The following RCAN2 variants were observed in gnomAD, a reference collection of about 807,000 sequenced individuals.
The protein encoded by RCAN2 is calcipressin-2.
RCAN2 carries 9 observed loss-of-function variants against 23.6 expected under a neutral mutation model. The ratio of observed to expected loss-of-function variants is 0.38; its 90% confidence interval spans 0.23 to 0.67. The LOEUF (loss-of-function observed/expected upper bound fraction) is 0.67. RCAN2 is among the 30% of genes least tolerant of loss of function. The pLI, the probability that RCAN2 is intolerant of heterozygous loss-of-function variation, is 0.51. For synonymous variants in RCAN2, 109 were observed against 115.7 expected, an observed-to-expected ratio of 0.94 and a Z score of 0.37; for missense variants, 273 against 302.3, an observed-to-expected ratio of 0.90 and a Z score of 0.72.
chr6:46,407,509 A>T (rs2150406206), intron 2 of RCAN2, among the ~76,000 whole-genome samples: 1 of 152,330 alleles, frequency 6.6e-6, no homozygotes, highest in South Asian at 2.1e-4. Context: ...TCACATTCAA[A>T]CAGTAGTAGT....
At chr6:46,395,232 G>A (rs972442199) in intron 2 of RCAN2, among the ~76,000 whole-genome samples, 77 of 152,174 alleles carry the variant, frequency 5.1e-4, no homozygotes, top group Non-Finnish European at 1.9e-4. Flanking sequence ...TGCATCTGTG[G>A]TGTTTAAAGG....
At chr6:46,473,231 C>A (rs572933561) in intron 1 of RCAN2, among the ~76,000 whole-genome samples, 8 of 152,280 alleles carry the variant, frequency 5.3e-5, no homozygotes, top group African/African-American at 9.6e-5. Flanking sequence ...TCTCTCCTTT[C>A]TTTTGCCACA....
intron 2 of RCAN2, among the ~76,000 whole-genome samples, chr6:46,455,917 C>G (rs1165726089): frequency 6.7e-6 from 1 of 149,268 alleles, no homozygotes; most frequent in East Asian, 1.9e-4. Context: ...GGCCCTTTAT[C>G]CAAAAAATTT....
chr6:46,232,693 T>C (rs1391953321), intron 4 of RCAN2, among the ~76,000 whole-genome samples: 1 of 146,500 alleles, frequency 6.8e-6, no homozygotes, highest in Non-Finnish European at 1.5e-5. Flanking sequence ...CTGCGGAGGC[T>C]GAGGCATGAG....
chr6:46,339,950 A>G (rs149732425), intron 2 of RCAN2, among the ~76,000 whole-genome samples: 38 of 152,298 alleles, frequency 2.5e-4, no homozygotes, highest in African/African-American at 7.0e-4. Context: ...TACATAATGT[A>G]CATGAATCCA....
chr6:46,302,044 G>A (rs1022352304), intron 2 of RCAN2, among the ~76,000 whole-genome samples: 1 of 152,050 alleles, frequency 6.6e-6, no homozygotes, highest in Non-Finnish European at 1.5e-5. Context: ...TAGAAACAAG[G>A]GGACTGTTAG....
At chr6:46,432,491 G>A (rs1767241592) in intron 2 of RCAN2, among the ~76,000 whole-genome samples, 1 of 152,044 alleles carries the variant, frequency 6.6e-6, no homozygotes, top group African/African-American at 2.4e-5. Flanking sequence ...GTGATTACAG[G>A]TGTGAGCCAC....
intron 2 of RCAN2, among the ~76,000 whole-genome samples, chr6:46,332,548 G>C (rs1764010980): frequency 6.7e-6 from 1 of 148,310 alleles, no homozygotes; most frequent in African/African-American, 2.5e-5. Flanking sequence ...CTATGAGTGA[G>C]AATATGCAGT....
intron 1 of RCAN2, among the ~76,000 whole-genome samples, chr6:46,484,716 G>A (rs373634752): frequency 1.4e-4 from 22 of 152,276 alleles, no homozygotes; most frequent in African/African-American, 4.6e-4. Flanking sequence ...CACTGATAAC[G>A]GAAACATCAG....
At chr6:46,308,593 C>T (rs975695984) in intron 2 of RCAN2, among the ~76,000 whole-genome samples, 7 of 151,992 alleles carry the variant, frequency 4.6e-5, no homozygotes, top group Non-Finnish European at 5.9e-5. Context: ...ATATAGTGTA[C>T]GTTGGGGAGA....
At chr6:46,389,556 C>T (rs980285274) in intron 2 of RCAN2, among the ~76,000 whole-genome samples, 38 of 152,192 alleles carry the variant, frequency 2.5e-4, no homozygotes, top group Non-Finnish European at 4.3e-4. Flanking sequence ...AGATCATGTG[C>T]TAGTCATCTC....
chr6:46,280,731 A>G (rs767805510), intron 2 of RCAN2, among the ~76,000 whole-genome samples: 1 of 152,234 alleles, frequency 6.6e-6, no homozygotes, highest in Non-Finnish European at 1.5e-5. Flanking sequence ...CCAGTGGGCC[A>G]GAAGCCTGTG....
chr6:46,343,542 A>AT, intron 2 of RCAN2, among the ~76,000 whole-genome samples: 1 of 151,862 alleles, frequency 6.6e-6, no homozygotes, highest in East Asian at 1.9e-4. Context: ...CGCCCAGCTA[A>AT]TTTTTTGTAT....
At chr6:46,295,048 G>T (rs1762678198) in intron 2 of RCAN2, among the ~76,000 whole-genome samples, 1 of 152,100 alleles carries the variant, frequency 6.6e-6, no homozygotes, top group Admixed American at 6.6e-5. Context: ...AGAAAAGAAG[G>T]CTTCAAAGGA....
intron 4 of RCAN2, among the ~76,000 whole-genome samples, chr6:46,229,406 C>T (rs928852328): frequency 6.6e-6 from 1 of 152,206 alleles, no homozygotes; most frequent in Admixed American, 6.5e-5. Context: ...TTCAGGCACA[C>T]CAATCAGATG....
chr6:46,407,471 C>T (rs1031483213), intron 2 of RCAN2, among the ~76,000 whole-genome samples: 10 of 152,272 alleles, frequency 6.6e-5, no homozygotes, highest in African/African-American at 2.4e-4. Context: ...TCCAAGCCGA[C>T]TCAGGCAAAG....
At chr6:46,413,861 T>G (rs1375895514) in intron 2 of RCAN2, among the ~76,000 whole-genome samples, 1 of 152,166 alleles carries the variant, frequency 6.6e-6, no homozygotes. Flanking sequence ...CCTAATATCG[T>G]CGGTGGGATG....
At chr6:46,293,416 G>T (rs1471595692) in intron 2 of RCAN2, among the ~76,000 whole-genome samples, 2 of 152,078 alleles carry the variant, frequency 1.3e-5, no homozygotes, top group Admixed American at 1.3e-4. Flanking sequence ...TCATGGGTGG[G>T]TATAGACATT....
chr6:46,309,171 T>A (rs1763174978), intron 2 of RCAN2, among the ~76,000 whole-genome samples: 1 of 152,142 alleles, frequency 6.6e-6, no homozygotes, highest in Non-Finnish European at 1.5e-5. Context: ...ATCTAAAATG[T>A]TTTCTCACTT....
Sources: gnomAD v4.1 joint callset for allele counts (sites outside exome capture counted in the v4.1 genomes callset) on GRCh38, gnomAD v4.1.1 for gene constraint, MANE v1.5 for transcripts, NCBI Gene and HGNC (gene_info 2026-07-23, HGNC 2026-07-21) for gene names.